The following BCOR variants were observed in gnomAD, a reference collection of about 807,000 sequenced individuals.
BCOR encodes BCL6 corepressor.
A neutral mutation model predicts 86.7 loss-of-function variants in BCOR; 10 were observed. The ratio of observed to expected loss-of-function variants is 0.12; its 90% CI spans 0.07 to 0.20. The LOEUF is 0.20. Among genes scored for constraint, BCOR ranks in the 10% least tolerant of loss-of-function variants. The pLI is 1.00. For missense variants in BCOR, 1,259 were observed against 1,452.1 expected (o/e 0.87, Z 2.16); for synonymous variants, 611 against 609.0 (o/e 1.00, Z -0.05).
chrX:40,176,794 T>A (rs1174554663), intron 1 of BCOR, among the ~76,000 whole-genome samples: 1 of 106,854 alleles, frequency 9.4e-6, no homozygotes, highest in East Asian at 3.1e-4. Flanking sequence ...GGCCCGGCCC[T>A]TGTCCCAGCC....
chrX:40,143,607 G>A (rs1004884322), intron 1 of BCOR, among the ~76,000 whole-genome samples: 1 of 112,746 alleles, frequency 8.9e-6, no homozygotes, highest in Admixed American at 9.4e-5. Context: ...AAAAACTTTG[G>A]AGTAGGAAAC....
chrX:40,072,364 C>A lies in BCOR; in HGVS notation c.2982G>T (p.Glu994Asp). 1 of 1,209,336 alleles carries A rather than the reference C, an allele frequency of 8.3e-7. No homozygotes were observed. ...GGGGGCTCACCTGCAATGCCCGTTG[C>A]TCCCGGCTGAGCTGACTGGAATCTG... ...LYADSSQLSR[E>D]QRALQMEGLQ... Residue 994 changes from glutamate to aspartate, a missense_variant, in exon 4 of 15, where the codon GAG becomes GAT. Physicochemically the swap from Glu to Asp is conservative, Grantham distance 45 (BLOSUM62 2). Around this residue, in one of 7 missense-constraint regions of BCOR, gnomAD observed 56 missense variants for 106.6 expected, o/e 0.53. Transcript: ENST00000378444.
intron 1 of BCOR, among the ~76,000 whole-genome samples, chrX:40,113,572 G>A (rs779742705): frequency 8.1e-5 from 9 of 110,925 alleles, no homozygotes; most frequent in African/African-American, 1.3e-4. Context: ...TAGGCTCTGC[G>A]GGTTGGTCCC....
Position 40,097,899 on chromosome X carries a change from C to G in BCOR, c.-725G>C, listed in dbSNP as rs1415190833. On this transcript the variant is annotated 5_prime_UTR_variant, in exon 1 of 15. Coordinates refer to ENST00000378444, the MANE Select transcript of BCOR (RefSeq NM_001123385.2). Reference sequence around the variant, plus strand: ...TCCCCCGCAGCCGCCGAGCTCGGCCCGCGTTCAGCGAGGAGCGCAGCTCTG... The same window carrying G: ...TCCCCCGCAGCCGCCGAGCTCGGCCGGCGTTCAGCGAGGAGCGCAGCTCTG... Among the ~76,000 whole-genome samples the G allele has an allele frequency of 4.5e-5, 5 of 110,592 alleles. No homozygotes were observed. The highest frequency in any genetic ancestry group is 1.9e-4 in the Admixed American group (2 of 10,730).
chrX:40,126,439 C>T (rs1366711810), intron 1 of BCOR, among the ~76,000 whole-genome samples: 1 of 107,787 alleles, frequency 9.3e-6, no homozygotes, highest in Non-Finnish European at 1.9e-5. Flanking sequence ...GCAGGAGAAT[C>T]GTTTGAACCT....
chrX:40,054,499 CTTTTTTT>C lies in BCOR; in HGVS notation c.4742-173_4742-167del, dbSNP rs147324206. 1.2e-4 allele frequency among the ~76,000 whole-genome samples: 12 copies of C among 98,868 alleles called. No homozygotes were observed. The East Asian group carries it at 3.4e-3, about 28-fold the overall frequency. The allele number at this position is 98,868 out of a possible 115,157, so 85.9% of individuals were successfully genotyped here. ...AAAGTAGCATTACACTTATGTATCT[CTTTTTTT>C]TTTTTTTTTTTGACAGAGTCTTGCT... On this transcript the variant is annotated intron_variant, in intron 12 of 14. Coordinates refer to ENST00000378444, the MANE Select transcript of BCOR (RefSeq NM_001123385.2).
At chrX:40,121,897 C>T (rs1937492261) in intron 1 of BCOR, among the ~76,000 whole-genome samples, 1 of 112,483 alleles carries the variant, frequency 8.9e-6, no homozygotes, top group African/African-American at 3.2e-5. Flanking sequence ...CAGCTGGAAA[C>T]GGTGCTGCAC....
intron 1 of BCOR, among the ~76,000 whole-genome samples, chrX:40,174,587 GA>G (rs1409491884): frequency 8.9e-6 from 1 of 112,855 alleles, no homozygotes; most frequent in East Asian, 2.8e-4. Context: ...CCAAAACGCA[GA>G]ACCATCTACT....
intron 1 of BCOR, among the ~76,000 whole-genome samples, chrX:40,131,718 A>G (rs947379567): frequency 9.0e-6 from 1 of 111,537 alleles, no homozygotes; most frequent in African/African-American, 3.3e-5. Flanking sequence ...AGACATGAAC[A>G]ACTGCAAGCG....
intron 1 of BCOR, among the ~76,000 whole-genome samples, chrX:40,113,019 C>CT (rs1398036375): frequency 9.6e-6 from 1 of 103,695 alleles, no homozygotes; most frequent in Non-Finnish European, 2.0e-5. Flanking sequence ...TCCAAATAGT[C>CT]TATCTAGTAA....
At chrX:40,149,517 C>A (rs1938128652) in intron 1 of BCOR, among the ~76,000 whole-genome samples, 1 of 111,212 alleles carries the variant, frequency 9.0e-6, no homozygotes, top group Non-Finnish European at 1.9e-5. Context: ...ATATGCTTAA[C>A]TGCGCCATTC....
At chrX:40,166,353 C>T (rs1177892202) in intron 1 of BCOR, among the ~76,000 whole-genome samples, 1 of 112,105 alleles carries the variant, frequency 8.9e-6, no homozygotes, top group Non-Finnish European at 1.9e-5. Context: ...ACATCTCCAT[C>T]ATCACTGCCC....
At chrX:40,089,925 G>C (rs771193419) in intron 1 of BCOR, among the ~76,000 whole-genome samples, 1 of 112,248 alleles carries the variant, frequency 8.9e-6, no homozygotes, top group African/African-American at 3.2e-5. Context: ...GGGCCACCCA[G>C]AGTCCCCCAC....
intron 1 of BCOR, among the ~76,000 whole-genome samples, chrX:40,137,203 G>A (rs994943726): frequency 8.9e-6 from 1 of 112,234 alleles, no homozygotes; most frequent in African/African-American, 3.2e-5. Flanking sequence ...TATTATAGCC[G>A]TCAAAGCCTA....
chrX:40,081,336 T>C (rs937092738), intron 1 of BCOR, among the ~76,000 whole-genome samples: 109 of 112,011 alleles, frequency 9.7e-4, no homozygotes, highest in African/African-American at 3.3e-3. Context: ...TTCTCTGTCA[T>C]GTACAACGAA....
intron 1 of BCOR, among the ~76,000 whole-genome samples, chrX:40,147,211 C>A (rs185696250): frequency 1.8e-5 from 2 of 112,267 alleles, no homozygotes; most frequent in Non-Finnish European, 3.8e-5. Flanking sequence ...TCTTTCTTGG[C>A]GGCTTACAGT....
rs1469719412 is a variant in BCOR at position 40,139,492 on chromosome X, TATA to T, written c.-41+37512_-41+37514del. Among the ~76,000 whole-genome samples, 11 of 11,843 alleles carry T rather than the reference TATA, an allele frequency of 9.3e-4. 1 individual carries two copies. Among genetic ancestry groups the T allele is most frequent in the East Asian group, 5.5e-3 (3 of 542 alleles). The allele number at this position is 11,843 out of a possible 115,157, so 10.3% of individuals were successfully genotyped here. ...ATATATATATATATATATATATATA[TATA>T]TATTTTTTTTTTTTTTTAAGCATCA... On this transcript the variant is annotated intron_variant, in intron 1 of 14. Transcript: ENST00000342274.
chrX:40,069,197 C>G (rs1397120550), intron 6 of BCOR, among the ~76,000 whole-genome samples: 1 of 112,587 alleles, frequency 8.9e-6, no homozygotes, highest in Non-Finnish European at 1.9e-5. Flanking sequence ...TCTTGATCAA[C>G]CACAAACCTA....
chrX:40,068,150 A>G (rs1935291564), intron 6 of BCOR: 2 of 111,853 alleles, frequency 1.8e-5, no homozygotes, highest in South Asian at 7.5e-4. Context: ...ATGCCATTGC[A>G]ATACCTCCTG....
Sources: allele counts gnomAD v4.1 joint callset (sites outside exome capture counted in the v4.1 genomes callset), GRCh38; gene constraint gnomAD v4.1.1; regional missense constraint gnomAD v4.1.1; transcripts MANE v1.5; gene names NCBI Gene and HGNC (gene_info 2026-07-23, HGNC 2026-07-21).